The following AXDND1 variants were observed in gnomAD, a reference collection of about 807,000 sequenced individuals.
AXDND1 encodes the protein axonemal dynein light chain domain-containing protein 1.
Under a neutral mutation model 137.5 loss-of-function variants are expected in AXDND1, and 110 were observed. The observed-to-expected ratio is 0.80, with a 90% CI of 0.69 to 0.94. The LOEUF is 0.94. AXDND1 is among the 40% of genes least tolerant of loss of function. The pLI, the probability that AXDND1 is intolerant of heterozygous loss-of-function variation, is 0.00. For missense variants in AXDND1, 1,191 were observed against 1,169.8 expected (o/e 1.02, Z -0.26); for synonymous variants, 414 against 399.7 (o/e 1.04, Z -0.43).
intron 3 of AXDND1, among the ~76,000 whole-genome samples, chr1:179,369,643 C>G (rs1364854292): frequency 1.6e-5 from 2 of 121,708 alleles, no homozygotes; most frequent in Non-Finnish European, 3.4e-5. Context: ...CAGAGCAAGA[C>G]TCTGTCTCAA....
chr1:179,471,919 G>A (rs1302951702), intron 17 of AXDND1, among the ~76,000 whole-genome samples: 1 of 151,084 alleles, frequency 6.6e-6, no homozygotes, highest in African/African-American at 2.4e-5. Context: ...TTTTGAGATG[G>A]AGTCTCGCTC....
chr1:179,526,521 C>T (rs1004349768), intron 22 of AXDND1, among the ~76,000 whole-genome samples: 5 of 152,260 alleles, frequency 3.3e-5, no homozygotes, highest in African/African-American at 4.8e-5. Flanking sequence ...CTACTACTGC[C>T]TTTGGCTTCC....
chr1:179,528,302 A>G, intron 22 of AXDND1, 25 bp from the exon 23 acceptor site: 2 of 1,560,252 alleles, frequency 1.3e-6, no homozygotes, highest in Non-Finnish European at 1.8e-6. Context: ...GCTTGCTAAC[A>G]GGTCCGCATG....
intron 16 of AXDND1, chr1:179,454,330 A>C (rs746538931): frequency 6.5e-6 from 1 of 153,094 alleles, no homozygotes; most frequent in Non-Finnish European, 1.5e-5. Context: ...CCTCCATGTG[A>C]GACATGCCTT....
chr1:179,539,537 T>G (rs931089673), intron 25 of AXDND1, among the ~76,000 whole-genome samples: 7 of 152,252 alleles, frequency 4.6e-5, no homozygotes, highest in African/African-American at 1.7e-4. Context: ...TTCTGGCTTG[T>G]AGGGTTTCTG....
intron 12 of AXDND1, among the ~76,000 whole-genome samples, chr1:179,417,310 GTTGA>G (rs1215047032): frequency 6.6e-6 from 1 of 150,870 alleles, no homozygotes; most frequent in Admixed American, 6.6e-5. Flanking sequence ...TCTTCACTTT[GTTGA>G]TTGTTTCCTT....
At chr1:179,466,005 C>T (rs185976275) in intron 16 of AXDND1, among the ~76,000 whole-genome samples, 220 of 152,284 alleles carry the variant, frequency 1.4e-3, no homozygotes, top group Non-Finnish European at 2.5e-3. Context: ...TCCCAATTTT[C>T]CAGGTACCGT....
At chr1:179,410,610 G>A (rs554685142) in intron 11 of AXDND1, among the ~76,000 whole-genome samples, 1 of 152,324 alleles carries the variant, frequency 6.6e-6, no homozygotes, top group African/African-American at 2.4e-5. Flanking sequence ...AGAAACAATA[G>A]TTAAGAAAAA....
Position 179,486,493 on chromosome 1 carries a change from C to T in AXDND1, c.2091+3272C>T, listed in dbSNP as rs1666099886. ...AAATGCAGAGAGCCCCTGAAAAATA[C>T]TACAAAATAAGACCATACATGAGAC... is the stretch of plus-strand genomic sequence containing the variant. On this transcript the variant is annotated intron_variant, in intron 18 of 25. Coordinates refer to ENST00000367618, the MANE Select transcript of AXDND1 (RefSeq NM_144696.6). 1.6e-5 allele frequency among the ~76,000 whole-genome samples: 2 copies of T among 125,628 alleles called. 1 individual carries two copies. The highest frequency in any genetic ancestry group is 7.1e-5 in the African/African-American group (2 of 28,252). The allele number at this position is 125,628 out of a possible 152,430, so 82.4% of individuals were successfully genotyped here.
At chr1:179,527,438 G>A (rs1020754088) in intron 22 of AXDND1, among the ~76,000 whole-genome samples, 6 of 152,030 alleles carry the variant, frequency 3.9e-5, no homozygotes, top group African/African-American at 1.5e-4. Context: ...CAGCCCAGTG[G>A]GTTTTAGCCT....
At chr1:179,366,235 C>G (rs1005424431) in intron 1 of AXDND1, 169 bp from the exon 2 acceptor site, 3 of 243,578 alleles carry the variant, frequency 1.2e-5, no homozygotes, top group African/African-American at 6.9e-5. Context: ...TGACCCCGAC[C>G]TGACGGTCCA....
chr1:179,393,394 G>C (rs1344102162), intron 9 of AXDND1, among the ~76,000 whole-genome samples: 1 of 152,062 alleles, frequency 6.6e-6, no homozygotes, highest in Admixed American at 6.6e-5. Flanking sequence ...TTGAAGTCAG[G>C]TAATGTGATG....
chr1:179,393,792 T>C, intron 9 of AXDND1, 111 bp from the exon 10 acceptor site: 1 of 799,040 alleles, frequency 1.3e-6, no homozygotes, highest in Non-Finnish European at 1.8e-6. Context: ...CTCAGCTTGG[T>C]TTTCTTGGTG....
intron 16 of AXDND1, among the ~76,000 whole-genome samples, chr1:179,460,184 G>A (rs1392258675): frequency 1.3e-5 from 2 of 151,626 alleles, no homozygotes; most frequent in African/African-American, 2.4e-5. Flanking sequence ...TAATGCTCTC[G>A]CTCCCACCTC....
intron 21 of AXDND1, among the ~76,000 whole-genome samples, chr1:179,518,849 T>C (rs1299418407): frequency 6.6e-6 from 1 of 152,218 alleles, no homozygotes; most frequent in East Asian, 1.9e-4. Context: ...GCAGTGAACA[T>C]ATGCATGCAT....
At position 179,368,817 on chromosome 1, in the gene AXDND1, G is replaced by A. The variant is rs1667731982; in HGVS notation, c.115G>A (p.Glu39Lys). ...EGTRGLPELK[E>K]KKNMVDRSKL... ...TTACTTAGGACTTCCTGAGCTAAAG[G>A]AGAAAAAAAATATGGTGGATCGTTC... is the stretch of plus-strand genomic sequence containing the variant. The change falls in exon 3 of 26, where the codon GAG becomes AAG. Residue 39 changes from glutamate (E) to lysine (K), a missense_variant. Transcript: ENST00000367618. The A allele has an allele frequency of 1.9e-6, 3 of 1,611,148 alleles. No homozygotes were observed. The highest frequency in any genetic ancestry group is 2.7e-5 in the African/African-American group (2 of 74,680).
At chr1:179,416,477 T>A (rs1019101306) in intron 12 of AXDND1, among the ~76,000 whole-genome samples, 1 of 152,196 alleles carries the variant, frequency 6.6e-6, no homozygotes, top group African/African-American at 2.4e-5. Context: ...GGTTTTAGTT[T>A]TTTGAGGAAC....
At chr1:179,533,079 C>G (rs1013911237) in intron 23 of AXDND1, 4 of 152,028 alleles carry the variant, frequency 2.6e-5, no homozygotes, top group African/African-American at 7.2e-5. Flanking sequence ...TGTCCACCCT[C>G]TTCTATCTCT....
At chr1:179,479,511 C>A (rs1306727201) in intron 17 of AXDND1, among the ~76,000 whole-genome samples, 1 of 148,966 alleles carries the variant, frequency 6.7e-6, no homozygotes, top group African/African-American at 2.5e-5. Context: ...GGTGTGGTGG[C>A]TCATGCCTGT....
Sources: gnomAD v4.1 joint callset for allele counts (sites outside exome capture counted in the v4.1 genomes callset) on GRCh38, gnomAD v4.1.1 for gene constraint, MANE v1.5 for transcripts, NCBI Gene and HGNC (gene_info 2026-07-23, HGNC 2026-07-21) for gene names.